The following NRDE2 variants were observed in gnomAD, a reference collection of about 807,000 sequenced individuals.
NRDE2 encodes the protein nuclear exosome regulator NRDE2.
A neutral mutation model predicts 124.2 loss-of-function variants in NRDE2; 76 were observed. The ratio of observed to expected loss-of-function variants is 0.61; its 90% confidence interval spans 0.51 to 0.74. The LOEUF (loss-of-function observed/expected upper bound fraction) is 0.74. Among genes scored for constraint, NRDE2 ranks in the 30% least tolerant of loss-of-function variants. NRDE2 has a pLI of 0.00. For synonymous variants in NRDE2, 489 were observed against 528.1 expected (o/e 0.93, Z 1.01); for missense variants, 1,314 against 1,417.3 (o/e 0.93, Z 1.17).
At chr14:90,279,200 C>A (rs1014451158) in intron 12 of NRDE2, 67 bp from the exon 13 acceptor site, 1 of 1,243,322 alleles carries the variant, frequency 8.0e-7, no homozygotes. Context: ...TACACAAACG[C>A]CCCTGGATGA....
intron 1 of NRDE2, among the ~76,000 whole-genome samples, chr14:90,329,445 A>G (rs1215450925): frequency 6.6e-6 from 1 of 152,170 alleles, no homozygotes; most frequent in Non-Finnish European, 1.5e-5. Flanking sequence ...CACGCCTGTA[A>G]TTCCAGAACT....
In NRDE2 at chr14:90,288,987, C is replaced by T. The variant is rs1056755173; in HGVS notation, c.2388G>A (p.Thr796=). 39 of 1,613,330 alleles carry T rather than the reference C, an allele frequency of 2.4e-5. No homozygotes were observed. The highest frequency in any genetic ancestry group is 6.7e-5 in the African/African-American group (5 of 74,936). The change falls in exon 11 of 14, where the codon ACG becomes ACA. Residue 796 remains threonine, a synonymous_variant. Coordinates refer to ENST00000354366, the MANE Select transcript of NRDE2 (RefSeq NM_017970.4). ...YAHLEWLLGN[T]EDARKVFDTA... is the part of the protein sequence containing the mutation. ...TGTCAAAAACTTTTCTGGCATCCTC[C>T]GTGTTGCCAAGCAACCACTCCAGAT...
intron 13 of NRDE2, 144 bp from the exon 14 acceptor site, chr14:90,278,605 TTA>T: frequency 1.0e-6 from 1 of 988,714 alleles, no homozygotes; most frequent in South Asian, 1.6e-5. Context: ...TGAGACTTTC[TTA>T]ACTCGGGCAG....
rs1891709503 is a variant in NRDE2 at position 90,273,025 on chromosome 14, G to C, written c.*5311C>G. 2.0e-5 allele frequency: 3 copies of C among 152,180 alleles called. No individual in the cohort carries two copies. Among genetic ancestry groups the C allele is most frequent in the African/African-American group, 7.2e-5 (3 of 41,438 alleles). The allele number at this position is 152,180 out of a possible 1,614,324, so 9.4% of individuals were successfully genotyped here. A position where few individuals can be genotyped will look rare whatever the true frequency, so the allele number is the denominator to read the frequency against. ...AAGCCCTTCTGAGCCCTTGGGCTCA[G>C]AAATCTCATCCCTTTCAAGGTGTTC... On this transcript the variant is annotated 3_prime_UTR_variant, in exon 14 of 14. Coordinates refer to ENST00000354366, the MANE Select transcript of NRDE2 (RefSeq NM_017970.4).
chr14:90,301,522 T>A, intron 6 of NRDE2, 150 bp from the exon 7 acceptor site: 1 of 690,252 alleles, frequency 1.4e-6, no homozygotes, highest in Non-Finnish European at 2.4e-6. Flanking sequence ...TGTCTTGATT[T>A]AAAGCGTCTC....
intron 1 of NRDE2, among the ~76,000 whole-genome samples, chr14:90,325,670 AAC>A (rs1230092628): frequency 5.3e-5 from 8 of 152,090 alleles, no homozygotes; most frequent in Non-Finnish European, 8.8e-5. Context: ...GGACCACAGG[AAC>A]ACACTACCAC....
rs537109032 is a variant in NRDE2, at chr14:90,268,690, C to T, written c.*9646G>A. 86 of 327,514 alleles carry T rather than the reference C, an allele frequency of 2.6e-4. No individual in the cohort carries two copies. Among genetic ancestry groups the T allele is most frequent in the Non-Finnish European group, 2.0e-4 (36 of 180,568 alleles). The allele number at this position is 327,514 out of a possible 1,614,324, so 20.3% of individuals were successfully genotyped here. A position where few individuals can be genotyped will look rare whatever the true frequency, so the allele number is the denominator to read the frequency against. On this transcript the variant is annotated 3_prime_UTR_variant, in exon 14 of 14. Transcript: ENST00000354366. ...GACTCTAGGGACACAGTTGTGAGCA[C>T]AAGTCTCTGCCCTGGAGGAGCTCAC...
At chr14:90,321,464 C>T (rs550660964) in intron 1 of NRDE2, among the ~76,000 whole-genome samples, 12 of 148,950 alleles carry the variant, frequency 8.1e-5, no homozygotes, top group African/African-American at 2.7e-4. Context: ...ATTATACTAG[C>T]ACTTTGGGAA....
At chr14:90,323,432 A>G (rs1157660107) in intron 1 of NRDE2, among the ~76,000 whole-genome samples, 1 of 152,226 alleles carries the variant, frequency 6.6e-6, no homozygotes, top group African/African-American at 2.4e-5. Flanking sequence ...ATTATAATGA[A>G]ATAGCACTGA....
chr14:90,324,469 A>C (rs771007507), intron 1 of NRDE2, among the ~76,000 whole-genome samples: 6 of 152,062 alleles, frequency 3.9e-5, no homozygotes, highest in Non-Finnish European at 8.8e-5. Context: ...TGAGGTCAGG[A>C]GTTTGAGACT....
chr14:90,291,631 C>A (rs1376081518), intron 9 of NRDE2, among the ~76,000 whole-genome samples: 1 of 152,188 alleles, frequency 6.6e-6, no homozygotes, highest in East Asian at 1.9e-4. Context: ...AGGTAAGTAC[C>A]CTCTCCAAGA....
chr14:90,326,366 C>A (rs940649847), intron 1 of NRDE2, among the ~76,000 whole-genome samples: 9 of 151,760 alleles, frequency 5.9e-5, no homozygotes, highest in African/African-American at 1.9e-4. Context: ...CGGTGGCGGG[C>A]GCCTGTAGTC....
intron 11 of NRDE2, 89 bp from the exon 12 acceptor site, chr14:90,286,581 A>G: frequency 6.8e-7 from 1 of 1,477,406 alleles, no homozygotes; most frequent in South Asian, 1.3e-5. Context: ...GATAAGTGTC[A>G]GCAACAACCA....
chr14:90,309,340 G>A (rs1442883789), intron 4 of NRDE2, among the ~76,000 whole-genome samples: 1 of 151,722 alleles, frequency 6.6e-6, no homozygotes, highest in Non-Finnish European at 1.5e-5. Context: ...GGGCATGGTA[G>A]CACTCGCCTG....
chr14:90,279,332 T>G, intron 12 of NRDE2, 199 bp from the exon 13 acceptor site: 2 of 562,924 alleles, frequency 3.6e-6, no homozygotes, highest in South Asian at 4.3e-5. Context: ...GTGTTGGGGT[T>G]GTTTCCTCCC....
rs1891614712 is a variant in NRDE2 at position 90,269,766 on chromosome 14, G to T, written c.*8570C>A. 6.6e-6 allele frequency: 3 copies of T among 454,930 alleles called. No individual in the cohort carries two copies. 28.2% of individuals were successfully genotyped at this position (454,930 alleles called of 1,614,324 possible). On this transcript the variant is annotated 3_prime_UTR_variant, in exon 14 of 14. Coordinates refer to ENST00000354366, the MANE Select transcript of NRDE2 (RefSeq NM_017970.4). ...CCTTTGAATTCCAGTCTTATGTCTT[G>T]TCTTTTCTTTTCCATAACATTCCCT... is the stretch of plus-strand genomic sequence containing the variant.
chr14:90,298,441 C>CA (rs1218534671), intron 7 of NRDE2, 61 bp from the exon 8 acceptor site: 9 of 1,566,550 alleles, frequency 5.7e-6, no homozygotes, highest in East Asian at 2.2e-5. Context: ...AGTCAGTGGG[C>CA]AAAATCCGCG....
In NRDE2 at chr14:90,326,221, G is replaced by A. The variant is rs992840309; in HGVS notation, c.64+5620C>T. On this transcript the variant is annotated intron_variant, in intron 1 of 13. Transcript: ENST00000354366. Reference sequence around the variant, plus strand: ...TTTAAGAAAGAGAGGGAGGCCGGGCGCGGTGGCTCACGCCTGTAATCCCAG... The same window carrying A: ...TTTAAGAAAGAGAGGGAGGCCGGGCACGGTGGCTCACGCCTGTAATCCCAG... Among the ~76,000 whole-genome samples the A allele has an allele frequency of 1.2e-4, 19 of 152,268 alleles. No individual in the cohort carries two copies. In the South Asian group the frequency reaches 1.5e-3, roughly 12 times the overall value.
chr14:90,282,017 C>T (rs1012315211), intron 12 of NRDE2, among the ~76,000 whole-genome samples: 5 of 152,214 alleles, frequency 3.3e-5, no homozygotes, highest in Non-Finnish European at 7.3e-5. Flanking sequence ...TAATGATTCA[C>T]AATTCAGAAA....
Sources: allele counts gnomAD v4.1 joint callset (sites outside exome capture counted in the v4.1 genomes callset), GRCh38; gene constraint gnomAD v4.1.1; transcripts MANE v1.5; gene names NCBI Gene and HGNC (gene_info 2026-07-23, HGNC 2026-07-21).